Variants in ZNF599 observed in about 807,000 individuals in gnomAD.
ZNF599 encodes zinc finger protein 599.
A neutral mutation model predicts 11.7 loss-of-function variants in ZNF599; 10 were observed. The observed-to-expected ratio is 0.86, with a 90% CI of 0.53 to 1.45. The LOEUF (loss-of-function observed/expected upper bound fraction) is 1.45. Among genes scored for constraint, ZNF599 ranks in the 40% most tolerant of loss-of-function variants. ZNF599 has a pLI of 0.00. For missense variants in ZNF599, 688 were observed against 713.6 expected (o/e 0.96, Z 0.41); for synonymous variants, 232 against 253.2 (o/e 0.92, Z 0.79).
At chr19:34,794,181 C>T in the ZNF599 span, among the ~76,000 whole-genome samples, 8 of 152,258 alleles carry the variant, frequency 5.3e-5, no homozygotes, top group South Asian at 2.1e-4. Context: ...GACCCCTCCC[C>T]GCTGCCCCAC....
intron 2 of ZNF599, among the ~76,000 whole-genome samples, chr19:34,767,708 G>A (rs2069154135): frequency 6.6e-6 from 1 of 152,162 alleles, no homozygotes; most frequent in African/African-American, 2.4e-5. Context: ...TGGTGCCCAT[G>A]ATGGTTGAAA....
the ZNF599 span, among the ~76,000 whole-genome samples, chr19:34,789,600 T>C: frequency 6.6e-6 from 1 of 152,192 alleles, no homozygotes; most frequent in African/African-American, 2.4e-5. Context: ...TCCCTAATTA[T>C]TAGTGGTGTT....
At chr19:34,771,742 G>C (rs532527747) in intron 1 of ZNF599, among the ~76,000 whole-genome samples, 2 of 152,292 alleles carry the variant, frequency 1.3e-5, no homozygotes, top group Non-Finnish European at 2.9e-5. Context: ...CCAGAGGATA[G>C]AATCTCATTC....
chr19:34,797,981 C>CA, the ZNF599 span, among the ~76,000 whole-genome samples: 4 of 152,280 alleles, frequency 2.6e-5, no homozygotes, highest in East Asian at 7.7e-4. Context: ...ACAAGGGTCG[C>CA]ATTCCATTCC....
At chr19:34,794,541 C>T in the ZNF599 span, among the ~76,000 whole-genome samples, 1 of 151,804 alleles carries the variant, frequency 6.6e-6, no homozygotes, top group Non-Finnish European at 1.5e-5. Context: ...ATTCCCCCCT[C>T]AGAGATTATA....
chr19:34,783,860 C>T, the ZNF599 span, among the ~76,000 whole-genome samples: 1 of 152,130 alleles, frequency 6.6e-6, no homozygotes, highest in South Asian at 2.1e-4. Flanking sequence ...TGCCTCGTAA[C>T]TCTAGGCCCC....
intron 3 of ZNF599, chr19:34,767,067 T>G: frequency 2.4e-6 from 1 of 408,522 alleles, no homozygotes. Flanking sequence ...TCACACAACC[T>G]CTCCAGAGTC....
upstream of ZNF599, among the ~76,000 whole-genome samples, chr19:34,777,967 C>A (rs1437164726): frequency 6.6e-6 from 1 of 151,532 alleles, no homozygotes; most frequent in Non-Finnish European, 1.5e-5. Context: ...TCAAGTTAAG[C>A]GTTCTTACTA....
chr19:34,776,331 A>G (rs1373796267), upstream of ZNF599, among the ~76,000 whole-genome samples: 1 of 152,226 alleles, frequency 6.6e-6, no homozygotes, highest in Admixed American at 6.5e-5. Context: ...GAATTCATAT[A>G]TTTTATTTAC....
chr19:34,802,407 G>T, the ZNF599 span, among the ~76,000 whole-genome samples: 1 of 152,218 alleles, frequency 6.6e-6, no homozygotes, highest in Non-Finnish European at 1.5e-5. Context: ...GATGACACAA[G>T]AGGTGTGCAG....
chr19:34,792,646 G>A, the ZNF599 span, among the ~76,000 whole-genome samples: 3 of 152,022 alleles, frequency 2.0e-5, no homozygotes, highest in Non-Finnish European at 2.9e-5. Context: ...GGCAGATCAC[G>A]AGGTCAGGAG....
chr19:34,760,221 C>A lies in ZNF599; in HGVS notation c.580G>T (p.Ala194Ser). 6.2e-7 allele frequency: 1 copy of A among 1,614,168 alleles called. No homozygotes were observed. ...QGPGKDPMTD[A>S]RNNPYTCTEC... ...GTGCATGTGTAAGGGTTATTCCTTG[C>A]ATCAGTCATGGGGTCTTTTCCTGGT... The change falls in exon 4 of 4, where the codon GCA (alanine) becomes TCA (serine). Residue 194 changes from alanine to serine, a missense_variant. Transcript: ENST00000329285.
the ZNF599 span, among the ~76,000 whole-genome samples, chr19:34,795,169 T>G: frequency 6.6e-6 from 1 of 152,196 alleles, no homozygotes; most frequent in Non-Finnish European, 1.5e-5. Flanking sequence ...AAGGCCATAG[T>G]AAGAGTAAAA....
rs1361146284 is a variant in ZNF599 at position 34,772,817 on chromosome 19, C to T, written c.18+7G>A. 23 of 1,528,240 alleles carry T rather than the reference C, an allele frequency of 1.5e-5. No homozygotes were observed. Among genetic ancestry groups the T allele is most frequent in the Non-Finnish European group, 2.0e-5 (23 of 1,141,268 alleles). 94.7% of individuals were successfully genotyped at this position (1,528,240 alleles called of 1,614,324 possible). ...AGCTCGCGCGGGCTGCGGAACCCTC[C>T]ACTCACCAACGCCGGCGCCGCCATG... On this transcript the variant is annotated splice_region_variant and intron_variant, in intron 1 of 3. Transcript: ENST00000329285.
chr19:34,768,713 A>C (rs2069161550), intron 2 of ZNF599, among the ~76,000 whole-genome samples: 1 of 152,212 alleles, frequency 6.6e-6, no homozygotes, highest in Non-Finnish European at 1.5e-5. Context: ...TGCCTGCTTG[A>C]GGCTAGGAGT....
chr19:34,770,521 TCAAA>T (rs1004689222), intron 1 of ZNF599, among the ~76,000 whole-genome samples: 11 of 152,190 alleles, frequency 7.2e-5, no homozygotes, highest in South Asian at 2.1e-4. Context: ...TTGGGAGAGC[TCAAA>T]CAAAGTTTCC....
In ZNF599 at chr19:34,760,245, G is replaced by A; in HGVS notation, c.556C>T (p.Pro186Ser). The A allele has an allele frequency of 6.2e-7, 1 of 1,614,072 alleles. No homozygotes were observed. The highest frequency in any genetic ancestry group is 8.5e-7 in the Non-Finnish European group (1 of 1,180,004). ...GCATCAGTCATGGGGTCTTTTCCTG[G>A]TCCTTGAGAGTCACACTCATGGAGA... Reference protein sequence around the residue: ...DALHECDSQGPGKDPMTDARN... With the variant: ...DALHECDSQGSGKDPMTDARN... Residue 186 changes from proline (P) to serine (S), a missense_variant, in exon 4 of 4, where the codon CCA (proline) becomes TCA (serine). Coordinates refer to ENST00000329285, the MANE Select transcript of ZNF599 (RefSeq NM_001007248.3).
Position 34,760,219 on chromosome 19 carries a change from T to G in ZNF599, c.582A>C (p.Ala194=), listed in dbSNP as rs1441073568. ...CCGTGCATGTGTAAGGGTTATTCCT[T>G]GCATCAGTCATGGGGTCTTTTCCTG... ...QGPGKDPMTD[A]RNNPYTCTEC... The change falls in exon 4 of 4, where the codon GCA becomes GCC. Residue 194 remains alanine (A), a synonymous_variant. Coordinates refer to ENST00000329285, the MANE Select transcript of ZNF599 (RefSeq NM_001007248.3). The G allele has an allele frequency of 6.2e-7, 1 of 1,614,070 alleles. No homozygotes were observed. Among genetic ancestry groups the G allele is most frequent in the Non-Finnish European group, 8.5e-7 (1 of 1,180,038 alleles).
chr19:34,800,893 G>A, the ZNF599 span, among the ~76,000 whole-genome samples: 1 of 151,962 alleles, frequency 6.6e-6, no homozygotes, highest in African/African-American at 2.4e-5. Context: ...CCATGCGCCT[G>A]GCTTCTAGCA....
Sources: allele counts gnomAD v4.1 joint callset (sites outside exome capture counted in the v4.1 genomes callset), GRCh38; gene constraint gnomAD v4.1.1; transcripts MANE v1.5; gene names NCBI Gene and HGNC (gene_info 2026-07-23, HGNC 2026-07-21).